The following RANBP2 variants were observed in gnomAD, a reference collection of about 807,000 sequenced individuals.
RANBP2 encodes the protein RAN binding protein 2, also known as E3 SUMO-protein ligase RanBP2.
In RANBP2, 57 loss-of-function variants were observed where a neutral mutation model predicts 303.6. The ratio of observed to expected loss-of-function variants is 0.19; its 90% CI spans 0.15 to 0.23. The LOEUF (loss-of-function observed/expected upper bound fraction) is 0.23. Among genes scored for constraint, RANBP2 ranks in the 10% least tolerant of loss-of-function variants. The pLI, the probability that RANBP2 is intolerant of heterozygous loss-of-function variation, is 1.00. For synonymous variants in RANBP2, 1,167 were observed against 1,301.5 expected (o/e 0.90, Z 2.23); for missense variants, 3,138 against 3,780.8 (o/e 0.83, Z 4.46).
chr2:109,683,614 G>T, the RANBP2 span, among the ~76,000 whole-genome samples: 1 of 151,966 alleles, frequency 6.6e-6, no homozygotes, highest in African/African-American at 2.4e-5. Flanking sequence ...GTGACCATGC[G>T]CCTGGCCGGC....
At chr2:108,862,028 T>G in the RANBP2 span, among the ~76,000 whole-genome samples, 1 of 151,978 alleles carries the variant, frequency 6.6e-6, no homozygotes, top group African/African-American at 2.4e-5. Context: ...TTGTATTGGT[T>G]TCTATTTTTA....
chr2:109,420,374 G>A, the RANBP2 span, among the ~76,000 whole-genome samples: 2 of 151,988 alleles, frequency 1.3e-5, no homozygotes, highest in Admixed American at 6.5e-5. Context: ...AGGGTGGGTA[G>A]ACGTCAGAGG....
the RANBP2 span, among the ~76,000 whole-genome samples, chr2:109,320,449 A>G: frequency 6.6e-6 from 1 of 152,186 alleles, no homozygotes; most frequent in Non-Finnish European, 1.5e-5. Context: ...CATCCTCGGC[A>G]GTGAGCCACA....
chr2:108,957,275 A>G, the RANBP2 span, among the ~76,000 whole-genome samples: 1 of 152,224 alleles, frequency 6.6e-6, no homozygotes. Context: ...CGTGAGACAG[A>G]TGAAAGCCTG....
chr2:109,528,431 A>C, the RANBP2 span, among the ~76,000 whole-genome samples: 1 of 152,190 alleles, frequency 6.6e-6, no homozygotes, highest in Admixed American at 6.5e-5. Flanking sequence ...TCAGAGCCCA[A>C]TCCTTCCATG....
the RANBP2 span, among the ~76,000 whole-genome samples, chr2:109,137,811 G>C: frequency 1.3e-5 from 2 of 152,198 alleles, no homozygotes; most frequent in Non-Finnish European, 2.9e-5. Context: ...AGCTTTGCCT[G>C]CCACTGTTGC....
the RANBP2 span, among the ~76,000 whole-genome samples, chr2:109,280,290 C>T: frequency 6.6e-6 from 1 of 152,204 alleles, no homozygotes; most frequent in African/African-American, 2.4e-5. Context: ...AGGCCTTTCC[C>T]CTCATTTTAC....
the RANBP2 span, among the ~76,000 whole-genome samples, chr2:108,824,504 A>G: frequency 2.9e-4 from 44 of 152,328 alleles, no homozygotes; most frequent in East Asian, 6.9e-3. Context: ...CTTCGGGGCA[A>G]TAACACACAT....
the RANBP2 span, among the ~76,000 whole-genome samples, chr2:109,462,235 T>G: frequency 6.6e-6 from 1 of 150,748 alleles, no homozygotes; most frequent in Non-Finnish European, 1.5e-5. Context: ...TGCAAACTAT[T>G]TTGTGACACA....
the RANBP2 span, among the ~76,000 whole-genome samples, chr2:109,505,693 T>G: frequency 6.6e-6 from 1 of 152,134 alleles, no homozygotes; most frequent in Non-Finnish European, 1.5e-5. Context: ...ATCAAGGTTG[T>G]AAGAGGTTAA....
At chr2:109,487,623 T>C in the RANBP2 span, among the ~76,000 whole-genome samples, 1 of 152,156 alleles carries the variant, frequency 6.6e-6, no homozygotes, top group East Asian at 1.9e-4. Context: ...ACAGCTAAGG[T>C]TGGGCCTGAC....
chr2:109,630,676 A>G, the RANBP2 span, among the ~76,000 whole-genome samples: 3 of 152,136 alleles, frequency 2.0e-5, no homozygotes, highest in African/African-American at 7.2e-5. Flanking sequence ...TCATAGCCAC[A>G]CCTGACTGAT....
the RANBP2 span, among the ~76,000 whole-genome samples, chr2:109,379,912 G>A: frequency 6.6e-6 from 1 of 152,162 alleles, no homozygotes; most frequent in Non-Finnish European, 1.5e-5. Flanking sequence ...AGTGGTCCAG[G>A]AGGCAAATTC....
chr2:109,062,642 G>C, the RANBP2 span, among the ~76,000 whole-genome samples: 1 of 152,172 alleles, frequency 6.6e-6, no homozygotes, highest in African/African-American at 2.4e-5. Flanking sequence ...GGGGCCCAAA[G>C]CTTGGAGAAG....
chr2:108,979,482 C>T, the RANBP2 span, among the ~76,000 whole-genome samples: 1 of 151,930 alleles, frequency 6.6e-6, no homozygotes, highest in Non-Finnish European at 1.5e-5. Context: ...CACACACACA[C>T]ACACACACAC....
At chr2:109,503,437 C>T in the RANBP2 span, 1 of 152,062 alleles carries the variant, frequency 6.6e-6, no homozygotes, top group Admixed American at 6.5e-5. Flanking sequence ...GGGGGTCATG[C>T]CTTTCCCTCC....
At chr2:109,602,437 A>G in the RANBP2 span, among the ~76,000 whole-genome samples, 1 of 152,180 alleles carries the variant, frequency 6.6e-6, no homozygotes, top group East Asian at 1.9e-4. Flanking sequence ...GCACCTTGGG[A>G]GGCCAAGGCG....
the RANBP2 span, among the ~76,000 whole-genome samples, chr2:109,632,704 G>A: frequency 6.6e-6 from 1 of 151,764 alleles, no homozygotes; most frequent in Non-Finnish European, 1.5e-5. Flanking sequence ...CCTGTAGTCC[G>A]AGTACTCAGG....
chr2:109,132,143 G>A, the RANBP2 span, among the ~76,000 whole-genome samples: 1 of 152,072 alleles, frequency 6.6e-6, no homozygotes, highest in Non-Finnish European at 1.5e-5. Flanking sequence ...TAATAGAGGG[G>A]CACTTATTTA....
Sources: gnomAD v4.1 joint callset for allele counts (sites outside exome capture counted in the v4.1 genomes callset) on GRCh38, gnomAD v4.1.1 for gene constraint, MANE v1.5 for transcripts, NCBI Gene and HGNC (gene_info 2026-07-23, HGNC 2026-07-21) for gene names.